NTRK3: variants seen among roughly 807,000 people sequenced by gnomAD.
NTRK3 encodes NT-3 growth factor receptor.
A neutral mutation model predicts 91.7 loss-of-function variants in NTRK3; 24 were observed. That is an observed-to-expected ratio of 0.26 (90% confidence interval 0.19 to 0.37). The LOEUF (loss-of-function observed/expected upper bound fraction) is 0.37, where lower values mean the gene tolerates loss of function less well. Ranked by LOEUF, NTRK3 falls within the 10% of genes least tolerant of loss-of-function variation. The pLI is 1.00. For missense variants in NTRK3, 880 were observed against 1,068.9 expected, an observed-to-expected ratio of 0.82 and a Z score of 2.46; for synonymous variants, 483 against 404.0, an observed-to-expected ratio of 1.20 and a Z score of -2.34.
chr15:88,207,830 C>T (rs1211926970), intron 3 of NTRK3, among the ~76,000 whole-genome samples: 3 of 152,196 alleles, frequency 2.0e-5, no homozygotes, highest in Non-Finnish European at 4.4e-5. Context: ...GGCAGAGATG[C>T]AATCAGATGT....
chr15:87,884,008 G>C (rs1203227146), intron 17 of NTRK3, among the ~76,000 whole-genome samples: 1 of 124,900 alleles, frequency 8.0e-6, no homozygotes, highest in Admixed American at 7.7e-5. Context: ...AGGCAGTAAA[G>C]ATCCACTAAA....
chr15:88,011,624 T>A (rs1208561054), intron 14 of NTRK3, among the ~76,000 whole-genome samples: 1 of 152,182 alleles, frequency 6.6e-6, no homozygotes, highest in Non-Finnish European at 1.5e-5. Context: ...AAGCCGCAGC[T>A]GAAGATATAC....
At chr15:87,979,394 T>C (rs150389095) in intron 14 of NTRK3, 66 of 1,613,702 alleles carry the variant, frequency 4.1e-5, no homozygotes, top group Middle Eastern at 1.6e-4. Flanking sequence ...ATCCTCAACA[T>C]AGATGCCATG....
chr15:88,221,252 A>G (rs1225777674), intron 3 of NTRK3, among the ~76,000 whole-genome samples: 1 of 152,180 alleles, frequency 6.6e-6, no homozygotes, highest in Non-Finnish European at 1.5e-5. Flanking sequence ...GCCTGAAAGC[A>G]TTTCCTCCCG....
chr15:88,224,417 G>C (rs1292557186), intron 3 of NTRK3, among the ~76,000 whole-genome samples: 3 of 152,142 alleles, frequency 2.0e-5, no homozygotes, highest in African/African-American at 7.2e-5. Context: ...TGCATTCCGG[G>C]GCCTCAACAA....
chr15:88,168,735 G>A (rs1263325277), intron 5 of NTRK3, among the ~76,000 whole-genome samples: 2 of 108,970 alleles, frequency 1.8e-5, no homozygotes, highest in African/African-American at 1.1e-4. Context: ...TTACTCCTGG[G>A]GGAAGACTTG....
At chr15:87,972,537 T>G (rs1194672207) in intron 14 of NTRK3, among the ~76,000 whole-genome samples, 2 of 152,138 alleles carry the variant, frequency 1.3e-5, no homozygotes, top group African/African-American at 4.8e-5. Context: ...TGCTCGAGGG[T>G]TTTGGCTCTC....
At chr15:87,913,143 G>GA (rs965619385) in intron 17 of NTRK3, among the ~76,000 whole-genome samples, 13 of 151,560 alleles carry the variant, frequency 8.6e-5, no homozygotes, top group African/African-American at 2.4e-4. Flanking sequence ...AAGAAAAGAA[G>GA]AAAAAATCCA....
At chr15:87,936,071 G>A (rs537221256) in intron 15 of NTRK3, among the ~76,000 whole-genome samples, 28 of 152,278 alleles carry the variant, frequency 1.8e-4, no homozygotes, top group African/African-American at 6.0e-4. Context: ...AAATAGGGCC[G>A]GTGACTCTCT....
rs74610507 is a variant in NTRK3, at chr15:88,237,003, A to T, written c.248+18903T>A. On this transcript the variant is annotated intron_variant, in intron 3 of 18. Transcript: ENST00000394480. The surrounding 1 kb of genome is among the most constrained non-coding windows in gnomAD (Gnocchi z 4.0). ...TGCACACTTAAGAGTAACGCATTTC[A>T]TTAAATATAAATATTAGCTCAAAAA... 0.018 allele frequency among the ~76,000 whole-genome samples: 2,717 copies of T among 152,278 alleles called. 76 individuals are homozygous for T. The highest frequency in any genetic ancestry group is 0.062 in the African/African-American group (2,565 of 41,536).
chr15:88,036,606 C>T (rs2079092794), intron 13 of NTRK3, among the ~76,000 whole-genome samples: 1 of 152,166 alleles, frequency 6.6e-6, no homozygotes, highest in Non-Finnish European at 1.5e-5. Context: ...TCTCAAGCCG[C>T]AGGGCTGCGG....
chr15:88,180,680 C>CT (rs1555540576), intron 5 of NTRK3, among the ~76,000 whole-genome samples: 2 of 87,454 alleles, frequency 2.3e-5, no homozygotes, highest in African/African-American at 1.1e-4. Flanking sequence ...AGCCATTACC[C>CT]TAAAAAAAAA....
intron 17 of NTRK3, among the ~76,000 whole-genome samples, chr15:87,892,698 T>C (rs949351022): frequency 6.6e-6 from 1 of 152,290 alleles, no homozygotes; most frequent in Admixed American, 6.5e-5. Flanking sequence ...CATCTAGAAA[T>C]GTATGATCAT....
At chr15:88,027,028 G>A (rs1270461378) in intron 14 of NTRK3, among the ~76,000 whole-genome samples, 2 of 152,140 alleles carry the variant, frequency 1.3e-5, no homozygotes, top group Non-Finnish European at 2.9e-5. Flanking sequence ...AGAAGAATGA[G>A]CCTCTACAAA....
intron 14 of NTRK3, among the ~76,000 whole-genome samples, chr15:88,000,628 CT>C (rs938951420): frequency 2.9e-4 from 44 of 152,294 alleles, no homozygotes; most frequent in African/African-American, 1.0e-3. Flanking sequence ...TACTTTGAAT[CT>C]AGCTTCTTTC....
intron 3 of NTRK3, among the ~76,000 whole-genome samples, chr15:88,200,346 T>C (rs1462529331): frequency 6.6e-6 from 1 of 152,168 alleles, no homozygotes; most frequent in Admixed American, 6.5e-5. Context: ...TATAAGCACC[T>C]ACTATGTGCC....
At chr15:87,929,004 A>G in intron 17 of NTRK3, 187 bp downstream of exon 17, 1 of 730,406 alleles carries the variant, frequency 1.4e-6, no homozygotes, top group South Asian at 1.7e-5. Flanking sequence ...GGAGTGGGCA[A>G]TTGAGAACAT....
At chr15:87,867,755 T>G (rs759744668) in exon 19 of NTRK3, 26 of 229,004 alleles carry the variant, frequency 1.1e-4, no homozygotes, top group Non-Finnish European at 1.9e-4. Flanking sequence ...AGCCACAAGA[T>G]AGGTTCAATA....
At chr15:88,080,254 A>G (rs187110797) in intron 13 of NTRK3, among the ~76,000 whole-genome samples, 4 of 152,322 alleles carry the variant, frequency 2.6e-5, no homozygotes, top group East Asian at 3.9e-4. Context: ...GTCAAAGAGA[A>G]TATCTTTTTT....
Sources: allele counts gnomAD v4.1 joint callset (sites outside exome capture counted in the v4.1 genomes callset), GRCh38; gene constraint gnomAD v4.1.1; non-coding constraint Gnocchi (gnomAD v3.1); transcripts MANE v1.5; gene names NCBI Gene and HGNC (gene_info 2026-07-23, HGNC 2026-07-21).